The following LEKR1 variants were observed in gnomAD, a reference collection of about 807,000 sequenced individuals.
The protein encoded by LEKR1 is protein LEKR1.
In LEKR1, 59 loss-of-function variants were observed where a neutral mutation model predicts 72.4. The ratio of observed to expected loss-of-function variants is 0.82; its 90% CI spans 0.66 to 1.01. The LOEUF (loss-of-function observed/expected upper bound fraction) is 1.01, where lower values mean the gene tolerates loss of function less well. Among genes scored for constraint, LEKR1 ranks in the 50% least tolerant of loss-of-function variants. LEKR1 has a pLI of 0.00. For synonymous variants in LEKR1, 257 were observed against 263.2 expected, an observed-to-expected ratio of 0.98 and a Z score of 0.23; for missense variants, 728 against 759.2, an observed-to-expected ratio of 0.96 and a Z score of 0.48.
intron 3 of LEKR1, among the ~76,000 whole-genome samples, chr3:156,919,379 A>G (rs974282119): frequency 2.0e-5 from 3 of 151,936 alleles, no homozygotes; most frequent in Admixed American, 6.6e-5. Flanking sequence ...TTCCTCCTTG[A>G]TAGTGACTCT....
intron 7 of LEKR1, 63 bp from the exon 8 acceptor site, chr3:156,992,590 C>A: frequency 3.4e-6 from 1 of 298,388 alleles, no homozygotes; most frequent in South Asian, 3.7e-5. Flanking sequence ...TAAAATAATG[C>A]TACAGAAAAA....
Position 156,829,309 on chromosome 3 carries a change from C to G in LEKR1, c.-21C>G. On this transcript the variant is annotated 5_prime_UTR_variant, in exon 2 of 13. Transcript: ENST00000356539. Reference sequence around the variant, plus strand: ...AGATTTCCTTTGGCTTCAAAGCTCTCTCACCATATTTTGGGAAGTTATGGA... The same window carrying G: ...AGATTTCCTTTGGCTTCAAAGCTCTGTCACCATATTTTGGGAAGTTATGGA... The G allele has an allele frequency of 6.6e-7, 1 of 1,512,490 alleles. No homozygotes were observed. Among genetic ancestry groups the G allele is most frequent in the Non-Finnish European group, 8.9e-7 (1 of 1,126,508 alleles). The allele number at this position is 1,512,490 out of a possible 1,614,324, so 93.7% of individuals were successfully genotyped here.
chr3:156,898,638 A>G (rs915267392), intron 3 of LEKR1, among the ~76,000 whole-genome samples: 2 of 152,198 alleles, frequency 1.3e-5, no homozygotes, highest in Non-Finnish European at 2.9e-5. Context: ...TAAGGTGCAT[A>G]ATAAAATCTC....
chr3:157,040,146 G>C (rs1735245252), intron 12 of LEKR1, among the ~76,000 whole-genome samples: 1 of 152,168 alleles, frequency 6.6e-6, no homozygotes, highest in African/African-American at 2.4e-5. Context: ...AGAATGAGAA[G>C]ATATATTGAG....
intron 3 of LEKR1, among the ~76,000 whole-genome samples, chr3:156,901,162 A>G (rs1721996356): frequency 6.6e-6 from 1 of 152,116 alleles, no homozygotes; most frequent in South Asian, 2.1e-4. Context: ...AGAAAATAAA[A>G]GTCTTTCTAA....
intron 3 of LEKR1, among the ~76,000 whole-genome samples, chr3:156,912,554 G>C (rs544054820): frequency 1.6e-4 from 25 of 152,288 alleles, no homozygotes; most frequent in African/African-American, 6.0e-4. Context: ...TGCTGTCAAA[G>C]TCCAGGCACC....
At chr3:156,930,884 G>A (rs1267973974) in intron 5 of LEKR1, among the ~76,000 whole-genome samples, 9 of 152,066 alleles carry the variant, frequency 5.9e-5, no homozygotes, top group Non-Finnish European at 1.2e-4. Context: ...CTCAACTTCT[G>A]CCTCACACCA....
chr3:157,028,070 C>A, intron 11 of LEKR1, 33 bp from the exon 12 acceptor site: 1 of 1,384,724 alleles, frequency 7.2e-7, no homozygotes, highest in South Asian at 1.4e-5. Flanking sequence ...TAGAAACTAT[C>A]GCCTACAAGC....
intron 3 of LEKR1, among the ~76,000 whole-genome samples, chr3:156,898,657 A>G (rs978465155): frequency 5.9e-5 from 9 of 152,190 alleles, no homozygotes; most frequent in Non-Finnish European, 1.3e-4. Context: ...TCTTAGAAGC[A>G]TTACAGGAAA....
chr3:156,890,236 T>C (rs1046952598), intron 3 of LEKR1, among the ~76,000 whole-genome samples: 1 of 152,186 alleles, frequency 6.6e-6, no homozygotes. Context: ...CATTTTAATA[T>C]CAATAAAATA....
intron 12 of LEKR1, among the ~76,000 whole-genome samples, chr3:157,040,347 G>C (rs1014985017): frequency 6.6e-6 from 1 of 152,150 alleles, no homozygotes; most frequent in Non-Finnish European, 1.5e-5. Context: ...GCCCTCTGTT[G>C]CTACAACTTT....
intron 12 of LEKR1, among the ~76,000 whole-genome samples, chr3:157,033,730 T>C (rs561170733): frequency 6.6e-6 from 1 of 152,190 alleles, no homozygotes; most frequent in Admixed American, 6.5e-5. Context: ...CAGGTTTTCA[T>C]TGTACATGGA....
chr3:156,836,860 T>C (rs781454076), intron 2 of LEKR1, among the ~76,000 whole-genome samples: 5 of 152,152 alleles, frequency 3.3e-5, no homozygotes, highest in Non-Finnish European at 7.4e-5. Flanking sequence ...AAGCCAGCAA[T>C]TGAGCCCAGA....
chr3:157,030,491 C>T (rs1001252491), intron 12 of LEKR1, among the ~76,000 whole-genome samples: 1 of 152,110 alleles, frequency 6.6e-6, no homozygotes, highest in East Asian at 1.9e-4. Context: ...AAATTAATAT[C>T]CAAAGGAAAG....
At chr3:156,921,814 C>T (rs916311810) in intron 4 of LEKR1, among the ~76,000 whole-genome samples, 32 of 152,062 alleles carry the variant, frequency 2.1e-4, no homozygotes, top group African/African-American at 5.8e-4. Flanking sequence ...TAATTATTGC[C>T]GCTTCAGGAT....
chr3:156,846,483 G>A (rs1323480375), intron 2 of LEKR1, among the ~76,000 whole-genome samples: 1 of 151,164 alleles, frequency 6.6e-6, no homozygotes, highest in African/African-American at 2.4e-5. Context: ...TTACTAAATT[G>A]ATTTTTAAAT....
Position 156,944,696 on chromosome 3 carries a change from C to T in LEKR1, c.745+1982C>T, listed in dbSNP as rs562791013. ...TTGTCTTTCTCTGGCTGGCTTATTTCATTTAACATAATGACCCCCAGTTTC... is the reference window on the plus strand; with the variant it reads ...TTGTCTTTCTCTGGCTGGCTTATTTTATTTAACATAATGACCCCCAGTTTC... On this transcript the variant is annotated intron_variant, in intron 6 of 12. Transcript: ENST00000356539. Among the ~76,000 whole-genome samples the T allele has an allele frequency of 2.0e-5, 3 of 151,816 alleles. No individual in the cohort carries two copies. In the South Asian group the frequency reaches 6.2e-4, roughly 32 times the overall value.
intron 3 of LEKR1, among the ~76,000 whole-genome samples, chr3:156,866,559 A>G (rs1301273092): frequency 6.6e-6 from 1 of 152,078 alleles, no homozygotes; most frequent in Non-Finnish European, 1.5e-5. Flanking sequence ...TGTGAAAATA[A>G]TTAACCACTA....
At chr3:156,840,331 C>T (rs344085) in intron 2 of LEKR1, among the ~76,000 whole-genome samples, 16,320 of 152,138 alleles carry the variant, frequency 0.11, 1,018 homozygotes, top group South Asian at 0.24. Context: ...CTAATTAACA[C>T]GCAGTTCTTT....
Sources: gnomAD v4.1 joint callset for allele counts (sites outside exome capture counted in the v4.1 genomes callset) on GRCh38, gnomAD v4.1.1 for gene constraint, MANE v1.5 for transcripts, NCBI Gene and HGNC (gene_info 2026-07-23, HGNC 2026-07-21) for gene names.